The following DENND2C variants were observed in gnomAD, a reference collection of about 807,000 sequenced individuals.
DENND2C encodes the protein DENN domain-containing protein 2C.
A neutral mutation model predicts 112.4 loss-of-function variants in DENND2C; 72 were observed. The ratio of observed to expected loss-of-function variants is 0.64; its 90% CI spans 0.53 to 0.78. The LOEUF is 0.78. Among genes scored for constraint, DENND2C ranks in the 30% least tolerant of loss-of-function variants. The probability of loss-of-function intolerance (pLI) is 0.00; values close to 1 mark genes in which losing one functional copy is unlikely to be tolerated. For synonymous variants in DENND2C, 329 were observed against 381.6 expected (o/e 0.86, Z 1.61); for missense variants, 992 against 1,113.8 (o/e 0.89, Z 1.56).
Position 114,661,838 on chromosome 1 carries a change from A to G in DENND2C, c.-573-7077T>C, listed in dbSNP as rs192496405. On this transcript the variant is annotated intron_variant, in intron 1 of 20. Coordinates refer to ENST00000393274, the MANE Select transcript of DENND2C (RefSeq NM_001256404.2). ...TGATCCAATTTGATTTAAAAATACA[A>G]TTATCACCAGACTCTTGAAAATATC... Among the ~76,000 whole-genome samples the G allele has an allele frequency of 1.1e-3, 174 of 152,346 alleles. 1 individual carries two copies. The highest frequency in any genetic ancestry group is 3.9e-3 in the African/African-American group (164 of 41,580).
rs1358600251 is a variant in DENND2C, at chr1:114,625,366, T to C, written c.619A>G (p.Ile207Val). 3.7e-6 allele frequency: 6 copies of C among 1,614,092 alleles called. No homozygotes were observed. Among genetic ancestry groups the C allele is most frequent in the Middle Eastern group, 1.6e-4 (1 of 6,082 alleles). Residue 207 changes from isoleucine to valine, a missense_variant, in exon 4 of 21, where the codon ATA becomes GTA. Around this residue, in one of 3 missense-constraint regions of DENND2C, gnomAD observed 470 missense variants for 472.7 expected, o/e 0.99. Coordinates refer to ENST00000393274, the MANE Select transcript of DENND2C (RefSeq NM_001256404.2). ...EPEGQECGPS[I>V]NPLPKPRRTF... ...CTACGAGGTTTTGGCAAAGGATTTA[T>C]GGAAGGTCCACATTCTTGCCCCTCA...
chr1:114,663,050 A>G (rs1290049595), intron 1 of DENND2C, among the ~76,000 whole-genome samples: 2 of 152,220 alleles, frequency 1.3e-5, no homozygotes, highest in Non-Finnish European at 2.9e-5. Flanking sequence ...TGAAAAAGTC[A>G]GTCCTTTAAA....
Position 114,608,730 on chromosome 1 carries a change from C to G in DENND2C, c.1513G>C (p.Gly505Arg). The change falls in exon 10 of 21, where the codon GGA (glycine) becomes CGA (arginine). Residue 505 changes from glycine to arginine, a missense_variant. Coordinates refer to ENST00000393274, the MANE Select transcript of DENND2C (RefSeq NM_001256404.2). ...VVVSLQKKPSGISYIPQVIQQ... is the reference protein window; with the variant it reads ...VVVSLQKKPSRISYIPQVIQQ... ...ATGACCTGGGGAATATAGCTTATTC[C>G]TGATGGTTTCTTCTGTAGAGACACC... The G allele has an allele frequency of 4.3e-6, 7 of 1,614,124 alleles. No individual in the cohort carries two copies. The highest frequency in any genetic ancestry group is 1.6e-4 in the Middle Eastern group (1 of 6,062).
chr1:114,593,129 G>T (rs1655241940), intron 18 of DENND2C, among the ~76,000 whole-genome samples: 1 of 152,044 alleles, frequency 6.6e-6, no homozygotes, highest in Non-Finnish European at 1.5e-5. Context: ...CACTGTACCT[G>T]CCCACACTCC....
intron 1 of DENND2C, among the ~76,000 whole-genome samples, chr1:114,655,960 T>G (rs147119974): frequency 6.6e-6 from 1 of 151,238 alleles, no homozygotes; most frequent in South Asian, 2.1e-4. Context: ...TTCTGTATAC[T>G]ATTTCATTTA....
intron 10 of DENND2C, among the ~76,000 whole-genome samples, chr1:114,605,331 G>A (rs1397049374): frequency 6.6e-6 from 1 of 152,144 alleles, no homozygotes; most frequent in Non-Finnish European, 1.5e-5. Context: ...CTATCAAGAG[G>A]TAAAATCTTA....
chr1:114,599,058 T>C (rs886174404), intron 16 of DENND2C, among the ~76,000 whole-genome samples: 2 of 152,216 alleles, frequency 1.3e-5, no homozygotes, highest in African/African-American at 4.8e-5. Flanking sequence ...AGGTTACTAC[T>C]GTAAATAAGA....
chr1:114,658,753 T>C (rs535222252), intron 1 of DENND2C, among the ~76,000 whole-genome samples: 14 of 113,934 alleles, frequency 1.2e-4, no homozygotes, highest in African/African-American at 3.6e-4. Context: ...GTCAAAAGAA[T>C]GGCAGTACTA....
At chr1:114,619,378 T>C (rs1656095461) in intron 7 of DENND2C, among the ~76,000 whole-genome samples, 1 of 152,208 alleles carries the variant, frequency 6.6e-6, no homozygotes, top group Non-Finnish European at 1.5e-5. Context: ...GAATTACAAT[T>C]GTTAGGAACA....
At chr1:114,592,010 G>A (rs1037450967) in intron 18 of DENND2C, among the ~76,000 whole-genome samples, 2 of 151,876 alleles carry the variant, frequency 1.3e-5, no homozygotes, top group Admixed American at 6.6e-5. Flanking sequence ...TCAGCATACT[G>A]AGTAGCTGGA....
chr1:114,666,570 C>T (rs1657654355), intron 1 of DENND2C, among the ~76,000 whole-genome samples: 1 of 152,166 alleles, frequency 6.6e-6, no homozygotes. Flanking sequence ...ATTCTCCTGC[C>T]TCAGCCTCCC....
chr1:114,605,136 G>C (rs1003156899), intron 10 of DENND2C, 105 bp from the exon 11 acceptor site: 7 of 731,490 alleles, frequency 9.6e-6, no homozygotes, highest in Non-Finnish European at 1.5e-5. Flanking sequence ...TGATAAGCCT[G>C]AGTAGTTGCT....
chr1:114,628,796 C>T (rs1027714728), intron 3 of DENND2C, among the ~76,000 whole-genome samples: 12 of 152,260 alleles, frequency 7.9e-5, no homozygotes, highest in Non-Finnish European at 1.2e-4. Context: ...TGCTCCTCAG[C>T]GCCTCCTCTC....
chr1:114,620,973 G>A (rs1469749994), intron 7 of DENND2C, among the ~76,000 whole-genome samples: 1 of 152,208 alleles, frequency 6.6e-6, no homozygotes, highest in African/African-American at 2.4e-5. Flanking sequence ...TGGGATTAAA[G>A]AAGGAATAAT....
chr1:114,597,115 G>A (rs1166161538), intron 16 of DENND2C, among the ~76,000 whole-genome samples: 1 of 152,056 alleles, frequency 6.6e-6, no homozygotes, highest in Non-Finnish European at 1.5e-5. Context: ...GAAAAGGCAA[G>A]CCACAGACAA....
intron 4 of DENND2C, among the ~76,000 whole-genome samples, chr1:114,624,183 C>A (rs1656266445): frequency 6.6e-6 from 1 of 152,206 alleles, no homozygotes; most frequent in Non-Finnish European, 1.5e-5. Flanking sequence ...CATTCATGTT[C>A]TTCATTGGGT....
intron 18 of DENND2C, among the ~76,000 whole-genome samples, chr1:114,593,758 GCAAGAAA>G (rs1655261128): frequency 6.6e-6 from 1 of 151,960 alleles, no homozygotes; most frequent in South Asian, 2.1e-4. Context: ...GGGTGACAGA[GCAAGAAA>G]CAAAAAACAG....
chr1:114,651,276 T>TACACACACACACACACACACACAC (rs57202953), intron 2 of DENND2C, among the ~76,000 whole-genome samples: 52 of 139,334 alleles, frequency 3.7e-4, no homozygotes, highest in Middle Eastern at 3.6e-3. Context: ...TCCCTACACA[T>TACACACACACACACACACACACAC]ACACACACAC....
At chr1:114,668,972 G>A (rs1352960732) in intron 1 of DENND2C, among the ~76,000 whole-genome samples, 1 of 152,170 alleles carries the variant, frequency 6.6e-6, no homozygotes, top group Non-Finnish European at 1.5e-5. Flanking sequence ...CAGCAACAGT[G>A]TATAGATAAC....
Sources: gnomAD v4.1 joint callset for allele counts (sites outside exome capture counted in the v4.1 genomes callset) on GRCh38, gnomAD v4.1.1 for gene constraint, gnomAD v4.1.1 regional missense constraint, MANE v1.5 for transcripts, NCBI Gene and HGNC (gene_info 2026-07-23, HGNC 2026-07-21) for gene names.